UBE3A: variants seen among roughly 807,000 people sequenced by gnomAD.
The protein encoded by UBE3A is ubiquitin-protein ligase E3A.
UBE3A carries 6 observed loss-of-function variants against 83.4 expected under a neutral mutation model. The ratio of observed to expected loss-of-function variants is 0.07; its 90% confidence interval spans 0.04 to 0.14. UBE3A has a LOEUF of 0.14. UBE3A is among the 10% of genes least tolerant of loss of function. The pLI is 1.00. For synonymous variants in UBE3A, 337 were observed against 355.4 expected (o/e 0.95, Z 0.58); for missense variants, 456 against 1,036.1 (o/e 0.44, Z 7.69).
chr15:25,410,920 T>A (rs2089868077), intron 2 of UBE3A, among the ~76,000 whole-genome samples: 1 of 152,114 alleles, frequency 6.6e-6, no homozygotes, highest in South Asian at 2.1e-4. Context: ...AGACTAATGG[T>A]ATGTGGAATT....
chr15:25,387,527 A>G (rs898644293), intron 4 of UBE3A, among the ~76,000 whole-genome samples: 5 of 152,178 alleles, frequency 3.3e-5, no homozygotes, highest in South Asian at 2.1e-4. Flanking sequence ...ATCTCAAAAA[A>G]AAAAGAAAAG....
intron 3 of UBE3A, chr15:25,407,091 A>C: frequency 7.4e-7 from 1 of 1,350,820 alleles, no homozygotes; most frequent in Non-Finnish European, 9.8e-7. Context: ...CCTTGTGGGT[A>C]AGTACCCCAA....
At chr15:25,437,936 T>C (rs1895624858) in intron 1 of UBE3A, 1 of 152,278 alleles carries the variant, frequency 6.6e-6, no homozygotes, top group South Asian at 2.1e-4. Context: ...CACGTTCAAC[T>C]TCAGAAATCC....
chr15:25,355,137 T>C (rs554917537), intron 9 of UBE3A, among the ~76,000 whole-genome samples: 1 of 152,280 alleles, frequency 6.6e-6, no homozygotes, highest in South Asian at 2.1e-4. Flanking sequence ...CATGTATCCA[T>C]CTATTTATAA....
intron 7 of UBE3A, among the ~76,000 whole-genome samples, chr15:25,359,376 T>C (rs2077676566): frequency 6.6e-6 from 1 of 151,958 alleles, no homozygotes; most frequent in Admixed American, 6.6e-5. Flanking sequence ...CATAGCTTTT[T>C]AGTTATTAAT....
In UBE3A at chr15:25,438,869, C is replaced by T. The variant is rs1596568818; in HGVS notation, c.-545G>A. ...GGCGGGCGCCCGCGCTGGCGGATGG[C>T]TACGCGGCGGAGGGGTGCGCGAGCG... On this transcript the variant is annotated 5_prime_UTR_variant, in exon 1 of 13. Coordinates refer to ENST00000648336, the MANE Select transcript of UBE3A (RefSeq NM_130839.5). 6.5e-6 allele frequency: 1 copy of T among 152,894 alleles called. No individual in the cohort carries two copies. The highest frequency in any genetic ancestry group is 1.9e-4 in the East Asian group (1 of 5,182). The allele number at this position is 152,894 out of a possible 1,614,324, so 9.5% of individuals were successfully genotyped here. A position where few individuals can be genotyped will look rare whatever the true frequency, so the allele number is the denominator to read the frequency against.
intron 6 of UBE3A, among the ~76,000 whole-genome samples, chr15:25,369,472 T>C (rs1236436268): frequency 6.6e-6 from 1 of 151,976 alleles, no homozygotes; most frequent in Non-Finnish European, 1.5e-5. Flanking sequence ...TTCTCGAATT[T>C]AGACAATTCT....
chr15:25,436,053 A>G (rs1894985842), intron 1 of UBE3A, among the ~76,000 whole-genome samples: 1 of 152,168 alleles, frequency 6.6e-6, no homozygotes. Flanking sequence ...ACCAAGATTA[A>G]TAAGGCCAGA....
intron 11 of UBE3A, among the ~76,000 whole-genome samples, chr15:25,352,507 A>G (rs989799702): frequency 6.6e-6 from 1 of 152,258 alleles, no homozygotes; most frequent in South Asian, 2.1e-4. Flanking sequence ...TTGTCTAAAA[A>G]TAAGTACATT....
chr15:25,371,475 A>G lies in UBE3A; in HGVS notation c.699T>C (p.Ile233=). 6.2e-7 allele frequency: 1 copy of G among 1,614,076 alleles called. No homozygotes were observed. Among genetic ancestry groups the G allele is most frequent in the Non-Finnish European group, 8.5e-7 (1 of 1,180,028 alleles). The change falls in exon 6 of 13, where the codon ATT becomes ATC. Residue 233 remains isoleucine (I), a synonymous_variant. Transcript: ENST00000648336. The surrounding 1 kb of genome is among the most constrained non-coding windows in gnomAD (Gnocchi z 5.3). ...KLGPDDVSVD[I]DAIRRVYTRL... ...TGGTGTAGACCCTTCTAATGGCATC[A>G]ATATCCACAGACACATCATCAGGGC... is the stretch of plus-strand genomic sequence containing the variant.
chr15:25,434,223 T>C (rs1006151144), intron 1 of UBE3A, among the ~76,000 whole-genome samples: 2 of 152,290 alleles, frequency 1.3e-5, no homozygotes, highest in East Asian at 1.9e-4. Flanking sequence ...AGCAACATTT[T>C]TGATAGCAAA....
chr15:25,375,877 T>C, intron 4 of UBE3A, 114 bp from the exon 5 acceptor site: 1 of 1,196,768 alleles, frequency 8.4e-7, no homozygotes, highest in Non-Finnish European at 1.2e-6. Context: ...AACCTGTGTA[T>C]GAAGATGAGA....
In UBE3A at chr15:25,338,277, T is replaced by C. The variant is rs544877916; in HGVS notation, c.*860A>G. 2 of 152,134 alleles carry C rather than the reference T, an allele frequency of 1.3e-5. No homozygotes were observed. Among genetic ancestry groups the C allele is most frequent in the African/African-American group, 2.4e-5 (1 of 41,534 alleles). The allele number at this position is 152,134 out of a possible 1,614,324, so 9.4% of individuals were successfully genotyped here. A position where few individuals can be genotyped will look rare whatever the true frequency, so the allele number is the denominator to read the frequency against. ...TTTGTTGCAATAGGCTTGACTACCATTTCATTTGGCCAAATGCACTTTCCC... is the reference window on the plus strand; with the variant it reads ...TTTGTTGCAATAGGCTTGACTACCACTTCATTTGGCCAAATGCACTTTCCC... On this transcript the variant is annotated 3_prime_UTR_variant, in exon 13 of 13. Coordinates refer to ENST00000648336, the MANE Select transcript of UBE3A (RefSeq NM_130839.5).
intron 11 of UBE3A, among the ~76,000 whole-genome samples, chr15:25,352,217 A>T (rs1283657836): frequency 6.6e-6 from 1 of 152,120 alleles, no homozygotes; most frequent in Non-Finnish European, 1.5e-5. Flanking sequence ...AAATTAACAA[A>T]ATCTTATTTC....
chr15:25,389,252 AT>A (rs2083776711), intron 4 of UBE3A, among the ~76,000 whole-genome samples: 1 of 52,442 alleles, frequency 1.9e-5, no homozygotes, highest in Admixed American at 2.9e-4. Flanking sequence ...ATAACTGAAC[AT>A]CCACATGCAA....
At chr15:25,427,955 G>A (rs2153172920) in intron 1 of UBE3A, among the ~76,000 whole-genome samples, 1 of 152,176 alleles carries the variant, frequency 6.6e-6, no homozygotes, top group African/African-American at 2.4e-5. Context: ...GGAACAAGAA[G>A]CCATTATGTT....
At chr15:25,430,100 T>A (rs1270728806) in intron 1 of UBE3A, among the ~76,000 whole-genome samples, 1 of 90,492 alleles carries the variant, frequency 1.1e-5, no homozygotes, top group Non-Finnish European at 1.8e-5. Context: ...TATATATATA[T>A]TATATATATA....
Position 25,375,309 on chromosome 15 carries a change from AGTT to A in UBE3A, c.361+153_361+155del, listed in dbSNP as rs1595857340. 8.7e-6 allele frequency: 7 copies of A among 800,470 alleles called. No homozygotes were observed. In the East Asian group the frequency reaches 1.9e-4, roughly 21 times the overall value. The allele number at this position is 800,470 out of a possible 1,614,324, so 49.6% of individuals were successfully genotyped here. ...AGCAATGATTAGACCTGTAAAATGTAGTTATTATTCCTGTCCGTTACCACAATA... is the reference window on the plus strand; with the variant it reads ...AGCAATGATTAGACCTGTAAAATGTAATTATTCCTGTCCGTTACCACAATA... On this transcript the variant is annotated intron_variant, in intron 5 of 12. Transcript: ENST00000648336.
At chr15:25,407,244 AAAAAT>A in intron 3 of UBE3A, 1 of 1,150,118 alleles carries the variant, frequency 8.7e-7, no homozygotes, top group Non-Finnish European at 1.1e-6. Context: ...TTGCAAAACA[AAAAAT>A]AAACCTGCTG....
Sources: allele counts gnomAD v4.1 joint callset (sites outside exome capture counted in the v4.1 genomes callset), GRCh38; gene constraint gnomAD v4.1.1; non-coding constraint Gnocchi (gnomAD v3.1); transcripts MANE v1.5; gene names NCBI Gene and HGNC (gene_info 2026-07-23, HGNC 2026-07-21).